PDE4D: variants seen among roughly 807,000 people sequenced by gnomAD.
PDE4D encodes the protein 3',5'-cyclic-AMP phosphodiesterase 4D.
In PDE4D, 24 loss-of-function variants were observed where a neutral mutation model predicts 87.4. The ratio of observed to expected loss-of-function variants is 0.27; its 90% CI spans 0.20 to 0.39. The LOEUF (loss-of-function observed/expected upper bound fraction) is 0.39. Ranked by LOEUF, PDE4D falls within the 10% of genes least tolerant of loss-of-function variation. PDE4D has a pLI of 1.00. For missense variants in PDE4D, 714 were observed against 1,041.0 expected (o/e 0.69, Z 4.32); for synonymous variants, 384 against 383.2 (o/e 1.00, Z -0.02).
intron 1 of PDE4D, among the ~76,000 whole-genome samples, chr5:59,298,564 C>T (rs867570788): frequency 2.0e-5 from 3 of 152,108 alleles, no homozygotes; most frequent in Non-Finnish European, 1.5e-5. Context: ...CAAGACAAAG[C>T]TCACACTGAC....
chr5:60,074,057 C>A (rs1773024646), intron 2 of PDE4D, among the ~76,000 whole-genome samples: 1 of 151,998 alleles, frequency 6.6e-6, no homozygotes, highest in African/African-American at 2.4e-5. Flanking sequence ...TATTTACTGT[C>A]TTCTGATAGT....
At chr5:60,459,175 G>A (rs1232474360) in intron 1 of PDE4D, among the ~76,000 whole-genome samples, 1 of 152,046 alleles carries the variant, frequency 6.6e-6, no homozygotes, top group African/African-American at 2.4e-5. Context: ...GATCCTACAG[G>A]TTCTTCTGAT....
intron 2 of PDE4D, among the ~76,000 whole-genome samples, chr5:59,994,742 G>A (rs539090383): frequency 9.2e-5 from 14 of 152,208 alleles, no homozygotes; most frequent in African/African-American, 2.4e-4. Context: ...TGGGGTACAC[G>A]AGCCACAGAT....
At chr5:59,311,279 C>A (rs1386635325) in intron 1 of PDE4D, among the ~76,000 whole-genome samples, 10 of 151,980 alleles carry the variant, frequency 6.6e-5, no homozygotes, top group African/African-American at 2.4e-4. Context: ...ATAATTCCAG[C>A]ACTTTATGAG....
chr5:60,441,753 AC>A (rs1170214257), intron 1 of PDE4D, among the ~76,000 whole-genome samples: 1 of 152,130 alleles, frequency 6.6e-6, no homozygotes, highest in Non-Finnish European at 1.5e-5. Flanking sequence ...AAGAAACCAA[AC>A]AACCCCATCA....
At chr5:59,368,338 G>T (rs929684540) in intron 1 of PDE4D, among the ~76,000 whole-genome samples, 1 of 152,060 alleles carries the variant, frequency 6.6e-6, no homozygotes, top group Non-Finnish European at 1.5e-5. Flanking sequence ...GAAAATTGGG[G>T]ACTACATTAA....
At chr5:59,380,770 C>T (rs6450518) in intron 1 of PDE4D, among the ~76,000 whole-genome samples, 10,790 of 151,410 alleles carry the variant, frequency 0.071, 1,076 homozygotes, top group African/African-American at 0.22. Context: ...GGCCAACATA[C>T]ATCTTGTTCC....
intron 1 of PDE4D, among the ~76,000 whole-genome samples, chr5:60,477,440 G>C (rs1748414283): frequency 6.6e-6 from 1 of 151,816 alleles, no homozygotes; most frequent in Admixed American, 6.6e-5. Context: ...GTGCTGAAAA[G>C]TAACCAGGTA....
intron 1 of PDE4D, among the ~76,000 whole-genome samples, chr5:60,462,353 A>C (rs1188729070): frequency 6.6e-6 from 1 of 152,106 alleles, no homozygotes; most frequent in Admixed American, 6.6e-5. Context: ...AAGTTGAATG[A>C]GCAGGCTGGC....
upstream of PDE4D, among the ~76,000 whole-genome samples, chr5:59,896,288 G>C (rs1450794565): frequency 2.0e-5 from 3 of 152,070 alleles, no homozygotes; most frequent in African/African-American, 7.3e-5. Flanking sequence ...TTCCTGCCAG[G>C]CTGGGAAGTA....
intron 2 of PDE4D, among the ~76,000 whole-genome samples, chr5:60,177,058 C>T (rs1439107329): frequency 6.6e-6 from 1 of 152,030 alleles, no homozygotes; most frequent in Non-Finnish European, 1.5e-5. Context: ...TATATTCAGT[C>T]CTATAGTTTT....
intron 1 of PDE4D, among the ~76,000 whole-genome samples, chr5:59,371,535 T>A (rs2153598635): frequency 6.6e-6 from 1 of 152,286 alleles, no homozygotes; most frequent in East Asian, 1.9e-4. Context: ...ATATTTTTCA[T>A]ACTCAGTTAA....
At chr5:60,411,189 C>G (rs931643544) in intron 1 of PDE4D, among the ~76,000 whole-genome samples, 1 of 152,126 alleles carries the variant, frequency 6.6e-6, no homozygotes, top group East Asian at 1.9e-4. Context: ...AAAGCATGCA[C>G]TGGTATAATT....
exon 1 of PDE4D, chr5:60,487,960 T>C (rs1196848804): frequency 6.6e-6 from 1 of 152,604 alleles, no homozygotes; most frequent in African/African-American, 2.4e-5. Flanking sequence ...GAAGATGCAA[T>C]GTCAGCTATT....
intron 1 of PDE4D, among the ~76,000 whole-genome samples, chr5:59,882,771 T>C (rs1400380094): frequency 1.9e-5 from 1 of 53,082 alleles, no homozygotes; most frequent in Non-Finnish European, 3.5e-5. Flanking sequence ...CCTTTCCTTC[T>C]TTTTTTTTTT....
intron 1 of PDE4D, among the ~76,000 whole-genome samples, chr5:59,493,400 G>C (rs1019435145): frequency 6.6e-6 from 1 of 152,092 alleles, no homozygotes; most frequent in African/African-American, 2.4e-5. Flanking sequence ...TTTTAAAAAA[G>C]CATGTTCTAA....
chr5:59,656,451 T>C (rs1744375544), intron 1 of PDE4D, among the ~76,000 whole-genome samples: 1 of 152,212 alleles, frequency 6.6e-6, no homozygotes, highest in Non-Finnish European at 1.5e-5. Context: ...AGTCAAGATA[T>C]GCTTTCAATC....
rs372381891 is a variant in PDE4D at position 59,437,814 on chromosome 5, G to A, written c.456-221846C>T. 6.6e-5 allele frequency among the ~76,000 whole-genome samples: 10 copies of A among 152,164 alleles called. No individual in the cohort carries two copies. The East Asian group carries it at 7.7e-4, about 12-fold the overall frequency. ...GAAATAAAAGTGGTACAGCATCAGC[G>A]TATTAGTCTGTTCTCATGCTGCTAT... On this transcript the variant is annotated intron_variant, in intron 1 of 14. Transcript: ENST00000340635.
chr5:59,800,483 A>C (rs559679869), intron 1 of PDE4D, among the ~76,000 whole-genome samples: 1 of 152,288 alleles, frequency 6.6e-6, no homozygotes, highest in Non-Finnish European at 1.5e-5. Flanking sequence ...TCTCAAGTGC[A>C]TGTTTTGCTG....
Sources: allele counts gnomAD v4.1 joint callset (sites outside exome capture counted in the v4.1 genomes callset), GRCh38; gene constraint gnomAD v4.1.1; transcripts MANE v1.5; gene names NCBI Gene and HGNC (gene_info 2026-07-23, HGNC 2026-07-21).